The following CHL1 variants were observed in gnomAD, a reference collection of about 807,000 sequenced individuals.
CHL1 encodes the protein cell adhesion molecule L1 like.
CHL1 carries 96 observed loss-of-function variants against 141.9 expected under a neutral mutation model. The ratio of observed to expected loss-of-function variants is 0.68; its 90% CI spans 0.57 to 0.80. CHL1 has a LOEUF of 0.80. Ranked by LOEUF, CHL1 falls within the 30% of genes least tolerant of loss-of-function variation. The pLI, the probability that CHL1 is intolerant of heterozygous loss-of-function variation, is 0.00. For missense variants in CHL1, 1,820 were observed against 1,457.2 expected, an observed-to-expected ratio of 1.25 and a Z score of -4.05; for synonymous variants, 613 against 502.2, an observed-to-expected ratio of 1.22 and a Z score of -2.95.
intron 1 of CHL1, among the ~76,000 whole-genome samples, chr3:214,235 C>T (rs1236670580): frequency 6.6e-6 from 1 of 152,170 alleles, no homozygotes; most frequent in Non-Finnish European, 1.5e-5. Flanking sequence ...TTAATTTCTT[C>T]TCTACGTTTC....
At chr3:287,405 C>G (rs1456586675) in intron 2 of CHL1, among the ~76,000 whole-genome samples, 2 of 152,132 alleles carry the variant, frequency 1.3e-5, no homozygotes, top group Non-Finnish European at 2.9e-5. Context: ...TAGGTTTACA[C>G]ATTCGATTGT....
intron 2 of CHL1, among the ~76,000 whole-genome samples, chr3:288,548 G>T (rs1261809430): frequency 6.6e-6 from 1 of 152,156 alleles, no homozygotes; most frequent in African/African-American, 2.4e-5. Flanking sequence ...CATTGCCACA[G>T]ATCCTATCAT....
intron 14 of CHL1, among the ~76,000 whole-genome samples, chr3:365,465 C>T (rs1268895309): frequency 3.9e-5 from 6 of 152,208 alleles, no homozygotes; most frequent in Non-Finnish European, 2.9e-5. Flanking sequence ...ACAGGCCCTA[C>T]TTCCCTGAGG....
At chr3:399,965 T>C (rs1323896423) in intron 26 of CHL1, among the ~76,000 whole-genome samples, 1 of 152,234 alleles carries the variant, frequency 6.6e-6, no homozygotes, top group Non-Finnish European at 1.5e-5. Context: ...ACATAAGATA[T>C]ACATGAAAAC....
chr3:204,215 G>A (rs1283089811), intron 1 of CHL1, among the ~76,000 whole-genome samples: 1 of 152,208 alleles, frequency 6.6e-6, no homozygotes, highest in East Asian at 1.9e-4. Context: ...CAGCTTCTAT[G>A]GTAATGGTTG....
Position 325,946 on chromosome 3 carries a change from T to C in CHL1, c.92-13T>C. 3 of 1,581,734 alleles carry C rather than the reference T, an allele frequency of 1.9e-6. No individual in the cohort carries two copies. Among genetic ancestry groups the C allele is most frequent in the Non-Finnish European group, 2.6e-6 (3 of 1,153,914 alleles). ...TGAATAGTGTGTTTTTAAGTACATA[T>C]TTTAATATTTAGTTCAACAGGTTCC... On this transcript the variant is annotated splice_polypyrimidine_tract_variant and intron_variant, in intron 3 of 27. Transcript: ENST00000256509.
chr3:357,450 A>G (rs1205695545), intron 11 of CHL1, among the ~76,000 whole-genome samples: 2 of 152,162 alleles, frequency 1.3e-5, no homozygotes, highest in Non-Finnish European at 2.9e-5. Context: ...TGAAAAATAG[A>G]TTCTATTATT....
chr3:257,799 T>C (rs1335058715), intron 2 of CHL1, among the ~76,000 whole-genome samples: 2 of 152,208 alleles, frequency 1.3e-5, no homozygotes, highest in Middle Eastern at 3.2e-3. Flanking sequence ...CATATTAAGA[T>C]ATTTTAATTT....
chr3:224,733 A>G (rs1440055314), intron 1 of CHL1, among the ~76,000 whole-genome samples: 1 of 152,236 alleles, frequency 6.6e-6, no homozygotes, highest in Non-Finnish European at 1.5e-5. Flanking sequence ...CTTTATAGCA[A>G]TGCAAGAATG....
At chr3:216,684 A>G (rs1700351728) in intron 1 of CHL1, among the ~76,000 whole-genome samples, 1 of 152,264 alleles carries the variant, frequency 6.6e-6, no homozygotes, top group Admixed American at 6.5e-5. Context: ...TTCTGTAGGC[A>G]TATGATGCCA....
Position 405,895 on chromosome 3 carries a change from T to A in CHL1, c.*184T>A, listed in dbSNP as rs1575318712. The A allele has an allele frequency of 4.1e-5, 23 of 556,694 alleles. No homozygotes were observed. The South Asian group carries it at 4.7e-4, about 11-fold the overall frequency. 34.5% of individuals were successfully genotyped at this position (556,694 alleles called of 1,614,324 possible). On this transcript the variant is annotated 3_prime_UTR_variant, in exon 28 of 28. Coordinates refer to ENST00000256509, the MANE Select transcript of CHL1 (RefSeq NM_006614.4). ...TTCAAAATATAAAATGCCAAGCACT[T>A]CAGGCCTATGTTTTGCTTATATTGT...
chr3:368,833 C>T (rs528710063), intron 15 of CHL1, among the ~76,000 whole-genome samples: 4 of 152,262 alleles, frequency 2.6e-5, no homozygotes, highest in Admixed American at 2.0e-4. Flanking sequence ...TTTCCCAGCA[C>T]CATTTGTTGA....
chr3:279,344 T>C (rs2125286148), intron 2 of CHL1, among the ~76,000 whole-genome samples: 1 of 152,320 alleles, frequency 6.6e-6, no homozygotes, highest in East Asian at 1.9e-4. Flanking sequence ...CTTCTTAAAA[T>C]ATTTATTTTA....
intron 2 of CHL1, among the ~76,000 whole-genome samples, chr3:299,929 G>A (rs1408444078): frequency 6.6e-6 from 1 of 152,184 alleles, no homozygotes; most frequent in Non-Finnish European, 1.5e-5. Context: ...CGAGATTGCA[G>A]CTCCTGGCAC....
chr3:236,674 C>T (rs1485932883), intron 1 of CHL1, among the ~76,000 whole-genome samples: 1 of 151,982 alleles, frequency 6.6e-6, no homozygotes, highest in Non-Finnish European at 1.5e-5. Context: ...TTGTAGAAAA[C>T]ATTATACTGA....
At chr3:334,979 A>G (rs1019730914) in intron 5 of CHL1, among the ~76,000 whole-genome samples, 3 of 152,264 alleles carry the variant, frequency 2.0e-5, no homozygotes, top group African/African-American at 2.4e-5. Context: ...TGCACATGCT[A>G]TTAAAATAGT....
At chr3:391,652 AT>A in intron 22 of CHL1, 22 bp from the exon 23 acceptor site, 3 of 1,567,040 alleles carry the variant, frequency 1.9e-6, no homozygotes, top group Non-Finnish European at 2.6e-6. Flanking sequence ...ATGTGAGTTT[AT>A]TTTTGGTCTT....
chr3:376,357 G>T (rs754618413), intron 15 of CHL1: 2 of 511,062 alleles, frequency 3.9e-6, no homozygotes, highest in South Asian at 2.9e-5. Context: ...AATGGCCCTT[G>T]CCCCATCTCC....
At chr3:292,619 C>T (rs946955159) in intron 2 of CHL1, among the ~76,000 whole-genome samples, 2 of 152,008 alleles carry the variant, frequency 1.3e-5, no homozygotes, top group African/African-American at 4.8e-5. Flanking sequence ...AAGGAATACC[C>T]GAGACTTAGT....
Sources: allele counts gnomAD v4.1 joint callset (sites outside exome capture counted in the v4.1 genomes callset), GRCh38; gene constraint gnomAD v4.1.1; transcripts MANE v1.5; gene names NCBI Gene and HGNC (gene_info 2026-07-23, HGNC 2026-07-21).